MAGI1: variants seen among roughly 807,000 people sequenced by gnomAD.
MAGI1 encodes membrane associated guanylate kinase, WW and PDZ domain containing 1.
In MAGI1, 58 loss-of-function variants were observed where a neutral mutation model predicts 139.9. That is an observed-to-expected ratio of 0.41 (90% CI 0.34 to 0.52). The LOEUF is 0.52. MAGI1 is among the 20% of genes least tolerant of loss of function. MAGI1 has a pLI of 0.12. For missense variants in MAGI1, 1,874 were observed against 1,901.6 expected (o/e 0.99, Z 0.27); for synonymous variants, 812 against 737.9 (o/e 1.10, Z -1.63).
intron 1 of MAGI1, among the ~76,000 whole-genome samples, chr3:65,942,972 G>C (rs1315927314): frequency 6.6e-6 from 1 of 152,172 alleles, no homozygotes; most frequent in African/African-American, 2.4e-5. Context: ...AGTGAGCCGA[G>C]ATCATGCCAC....
intron 2 of MAGI1, among the ~76,000 whole-genome samples, chr3:65,525,191 C>T (rs1263962709): frequency 6.6e-6 from 1 of 152,180 alleles, no homozygotes; most frequent in Non-Finnish European, 1.5e-5. Context: ...CCAGACACTA[C>T]TATCCCACTG....
intron 1 of MAGI1, among the ~76,000 whole-genome samples, chr3:65,924,047 G>C (rs1403109707): frequency 6.7e-6 from 1 of 150,286 alleles, no homozygotes; most frequent in Non-Finnish European, 1.5e-5. Context: ...TTCATCTCTT[G>C]GGTAATACTA....
At chr3:65,536,108 C>T (rs1024239826) in intron 2 of MAGI1, among the ~76,000 whole-genome samples, 3 of 152,158 alleles carry the variant, frequency 2.0e-5, no homozygotes, top group Non-Finnish European at 2.9e-5. Context: ...TACACTTATA[C>T]GTTTTCCCCT....
At chr3:65,597,584 C>A in intron 2 of MAGI1, 1 of 435,912 alleles carries the variant, frequency 2.3e-6, no homozygotes. Context: ...CTGGCCCTCC[C>A]AAGCTGGCCG....
At chr3:65,867,768 G>T (rs2059781388) in intron 1 of MAGI1, among the ~76,000 whole-genome samples, 1 of 152,036 alleles carries the variant, frequency 6.6e-6, no homozygotes, top group African/African-American at 2.4e-5. Flanking sequence ...AGGGGTGGGA[G>T]TGGGGGTATG....
intron 9 of MAGI1, among the ~76,000 whole-genome samples, chr3:65,438,538 T>C (rs547100152): frequency 8.2e-4 from 125 of 152,326 alleles, no homozygotes; most frequent in Admixed American, 1.3e-3. Context: ...GAGTTCTTTT[T>C]AGCTAGAAAA....
chr3:65,677,759 C>T (rs968762236), intron 1 of MAGI1, among the ~76,000 whole-genome samples: 1 of 152,214 alleles, frequency 6.6e-6, no homozygotes, highest in Non-Finnish European at 1.5e-5. Flanking sequence ...AAAGAGGCAC[C>T]TTGGCCGAAC....
chr3:65,551,995 T>C (rs895242862), intron 2 of MAGI1, among the ~76,000 whole-genome samples: 1 of 152,216 alleles, frequency 6.6e-6, no homozygotes, highest in Non-Finnish European at 1.5e-5. Context: ...TGTAAGTTGC[T>C]AACTCCAAAG....
At chr3:65,433,918 T>C (rs1462397596) in intron 10 of MAGI1, among the ~76,000 whole-genome samples, 5 of 152,128 alleles carry the variant, frequency 3.3e-5, no homozygotes, top group African/African-American at 7.2e-5. Flanking sequence ...TGGCAGCCAC[T>C]AGTCACATGT....
At chr3:65,553,960 T>C (rs1166226672) in intron 2 of MAGI1, among the ~76,000 whole-genome samples, 1 of 152,258 alleles carries the variant, frequency 6.6e-6, no homozygotes, top group African/African-American at 2.4e-5. Flanking sequence ...TCATTTGGAC[T>C]ACAGTAGTGT....
chr3:65,714,552 C>T (rs934593657), intron 1 of MAGI1, among the ~76,000 whole-genome samples: 1 of 152,208 alleles, frequency 6.6e-6, no homozygotes, highest in African/African-American at 2.4e-5. Context: ...TGAGCAATAA[C>T]AGCCTTTATC....
In MAGI1 at chr3:65,411,751, A is replaced by T. The variant is rs1380344965; in HGVS notation, c.2168-10281T>A. 5.3e-5 allele frequency among the ~76,000 whole-genome samples: 8 copies of T among 152,312 alleles called. No homozygotes were observed. The East Asian group carries it at 1.5e-3, about 29-fold the overall frequency. ...CTGCTTATTTTTAGTAATGTAAGTTAGGCTCAGGACCAAGATAGAAACCCA... is the reference window on the plus strand; with the variant it reads ...CTGCTTATTTTTAGTAATGTAAGTTTGGCTCAGGACCAAGATAGAAACCCA... On this transcript the variant is annotated intron_variant, in intron 12 of 22. Transcript: ENST00000402939.
At chr3:65,734,510 A>G (rs1407058412) in intron 1 of MAGI1, among the ~76,000 whole-genome samples, 1 of 150,664 alleles carries the variant, frequency 6.6e-6, no homozygotes, top group Non-Finnish European at 1.5e-5. Flanking sequence ...AGGAAGAGAG[A>G]GAAAGAAAGA....
chr3:65,867,650 T>C (rs1221282307), intron 1 of MAGI1, among the ~76,000 whole-genome samples: 1 of 151,980 alleles, frequency 6.6e-6, no homozygotes, highest in Non-Finnish European at 1.5e-5. Flanking sequence ...GAGGTGGTGG[T>C]GCTGAGGTGG....
At chr3:65,602,632 C>A (rs757430935) in intron 2 of MAGI1, among the ~76,000 whole-genome samples, 3 of 151,182 alleles carry the variant, frequency 2.0e-5, no homozygotes, top group Non-Finnish European at 3.0e-5. Flanking sequence ...CAGTTGTACA[C>A]CTTGAGAATA....
intron 10 of MAGI1, among the ~76,000 whole-genome samples, chr3:65,434,573 C>T (rs955303837): frequency 2.0e-5 from 3 of 152,078 alleles, no homozygotes; most frequent in African/African-American, 7.2e-5. Flanking sequence ...TGGCTTCTTC[C>T]TGACAGTCTA....
At chr3:65,695,358 C>A (rs2089071294) in intron 1 of MAGI1, among the ~76,000 whole-genome samples, 1 of 152,182 alleles carries the variant, frequency 6.6e-6, no homozygotes, top group Non-Finnish European at 1.5e-5. Flanking sequence ...TTGCAGAGTT[C>A]ACCTTATGGA....
chr3:65,470,206 T>C (rs920901423), intron 5 of MAGI1, 77 bp downstream of exon 5: 29 of 966,812 alleles, frequency 3.0e-5, no homozygotes, highest in Non-Finnish European at 4.5e-5. Context: ...GTAATTTACA[T>C]TGGCAACTGC....
chr3:65,831,662 G>T (rs2042536851), intron 1 of MAGI1, among the ~76,000 whole-genome samples: 1 of 152,058 alleles, frequency 6.6e-6, no homozygotes, highest in Non-Finnish European at 1.5e-5. Context: ...ATTCAGGCAG[G>T]AAACTCATGA....
Sources: allele counts gnomAD v4.1 joint callset (sites outside exome capture counted in the v4.1 genomes callset), GRCh38; gene constraint gnomAD v4.1.1; transcripts MANE v1.5; gene names NCBI Gene and HGNC (gene_info 2026-07-23, HGNC 2026-07-21).